Variants in CNTN6 observed in about 807,000 individuals in gnomAD.
The protein encoded by CNTN6 is contactin-6.
In CNTN6, 137 loss-of-function variants were observed where a neutral mutation model predicts 122.8. The observed-to-expected ratio is 1.12, with a 90% CI of 0.97 to 1.29. The LOEUF is 1.29. Among genes scored for constraint, CNTN6 ranks in the 50% most tolerant of loss-of-function variants. The pLI is 0.00. For missense variants in CNTN6, 1,634 were observed against 1,223.4 expected, an observed-to-expected ratio of 1.34 and a Z score of -5.01; for synonymous variants, 570 against 426.0, an observed-to-expected ratio of 1.34 and a Z score of -4.16.
At chr3:1,134,982 A>C (rs1285513277) in intron 1 of CNTN6, among the ~76,000 whole-genome samples, 1 of 151,988 alleles carries the variant, frequency 6.6e-6, no homozygotes, top group African/African-American at 2.4e-5. Context: ...TCTCCTTTGG[A>C]TACAATTTGC....
At chr3:1,341,238 G>A (rs1376301614) in intron 11 of CNTN6, among the ~76,000 whole-genome samples, 2 of 150,534 alleles carry the variant, frequency 1.3e-5, no homozygotes, top group African/African-American at 4.9e-5. Flanking sequence ...ACATTTTTGT[G>A]TCCTTTGCCA....
chr3:1,096,016 T>C (rs533047902), intron 1 of CNTN6, among the ~76,000 whole-genome samples: 1 of 152,354 alleles, frequency 6.6e-6, no homozygotes, highest in South Asian at 2.1e-4. Context: ...ATAGGTGCTA[T>C]ATTTTCTATG....
At chr3:1,389,880 C>A (rs1373648562) in intron 20 of CNTN6, among the ~76,000 whole-genome samples, 2 of 151,692 alleles carry the variant, frequency 1.3e-5, no homozygotes, top group Admixed American at 6.6e-5. Flanking sequence ...TATCTATGCA[C>A]CCAATACAGG....
intron 7 of CNTN6, among the ~76,000 whole-genome samples, chr3:1,310,168 G>T (rs539977148): frequency 3.1e-4 from 47 of 152,192 alleles, no homozygotes; most frequent in African/African-American, 1.0e-3. Context: ...GACAGTGAGT[G>T]ATAAGAGTAA....
Position 1,385,656 on chromosome 3 carries a change from A to G in CNTN6, c.2563A>G (p.Ile855Val). 6.2e-7 allele frequency: 1 copy of G among 1,614,080 alleles called. No homozygotes were observed. Among genetic ancestry groups the G allele is most frequent in the Non-Finnish European group, 8.5e-7 (1 of 1,179,922 alleles). Residue 855 changes from isoleucine to valine, a missense_variant, in exon 20 of 23, where the codon ATT becomes GTT. Ile to Val is a conservative substitution (Grantham distance 29, BLOSUM62 3). Transcript: ENST00000446702. ...DDSKESMIGK[I>V]RVSGNVTTKN... ...CTCCAAAGAATCCATGATAGGTAAA[A>G]TTAGAGTCAGTGGAAATGTCACAAC...
chr3:1,245,832 A>C (rs1207306846), intron 4 of CNTN6, among the ~76,000 whole-genome samples: 1 of 152,158 alleles, frequency 6.6e-6, no homozygotes, highest in Non-Finnish European at 1.5e-5. Context: ...GGAGTGTCCA[A>C]TCTTTTGGCT....
intron 1 of CNTN6, among the ~76,000 whole-genome samples, chr3:1,102,696 C>T (rs565399427): frequency 1.3e-5 from 2 of 149,872 alleles, no homozygotes; most frequent in South Asian, 4.3e-4. Flanking sequence ...CCACCGCCCT[C>T]CAGCCTGGGC....
intron 17 of CNTN6, among the ~76,000 whole-genome samples, chr3:1,380,989 T>G (rs557657874): frequency 7.0e-4 from 107 of 151,876 alleles, no homozygotes; most frequent in African/African-American, 2.5e-3. Context: ...TTTTTAATCA[T>G]TTGACTCTCT....
chr3:1,169,349 C>T (rs751845876), intron 2 of CNTN6, among the ~76,000 whole-genome samples: 1 of 152,178 alleles, frequency 6.6e-6, no homozygotes, highest in Non-Finnish European at 1.5e-5. Context: ...ATTCAGCCTC[C>T]TTGTTGTATT....
intron 1 of CNTN6, among the ~76,000 whole-genome samples, chr3:1,127,283 C>G (rs2092197187): frequency 6.6e-6 from 1 of 151,626 alleles, no homozygotes; most frequent in Non-Finnish European, 1.5e-5. Context: ...TATTTGGAAA[C>G]TCAACTTTAT....
Position 1,402,474 on chromosome 3 carries a change from C to A in CNTN6, c.2974C>A (p.Pro992Thr). 1.2e-6 allele frequency: 2 copies of A among 1,607,116 alleles called. No individual in the cohort carries two copies. Among genetic ancestry groups the A allele is most frequent in the Non-Finnish European group, 1.7e-6 (2 of 1,175,316 alleles). ...DGSSSEEIRI[P>T]KMSSLSSRGI... is the part of the protein sequence containing the mutation. ...AAGCAGCAGTGAGGAAATTAGGATT[C>A]CAAAAATGTCAAGTAAGTTGAGTCA... is the stretch of plus-strand genomic sequence containing the variant. Residue 992 changes from proline (P) to threonine (T), a missense_variant, in exon 22 of 23, where the codon CCA becomes ACA. Transcript: ENST00000446702.
intron 12 of CNTN6, among the ~76,000 whole-genome samples, chr3:1,354,275 C>T (rs958889401): frequency 6.6e-5 from 10 of 150,620 alleles, no homozygotes; most frequent in African/African-American, 2.4e-4. Flanking sequence ...AGTTTATCTA[C>T]ACTTTCAAGT....
intron 12 of CNTN6, among the ~76,000 whole-genome samples, chr3:1,365,699 G>T (rs993355885): frequency 2.6e-5 from 4 of 151,758 alleles, no homozygotes; most frequent in African/African-American, 9.7e-5. Context: ...GACAAAAACC[G>T]CAATTACTTT....
intron 1 of CNTN6, among the ~76,000 whole-genome samples, chr3:1,134,752 TAAGA>T (rs1258545248): frequency 1.3e-5 from 2 of 152,134 alleles, no homozygotes; most frequent in African/African-American, 4.8e-5. Context: ...ACAATTTATT[TAAGA>T]AAGCATCTTT....
chr3:1,388,673 TAGA>T (rs1269332246), intron 20 of CNTN6, among the ~76,000 whole-genome samples: 2 of 145,456 alleles, frequency 1.4e-5, no homozygotes, highest in African/African-American at 5.1e-5. Flanking sequence ...GAAAAAAATT[TAGA>T]AGAATGTATA....
In CNTN6 at chr3:1,382,938, C is replaced by T; in HGVS notation, c.2167-4C>T. 3.1e-6 allele frequency: 5 copies of T among 1,606,956 alleles called. No homozygotes were observed. The African/African-American group carries it at 4.0e-5, about 13-fold the overall frequency. On this transcript the variant is annotated splice_polypyrimidine_tract_variant and splice_region_variant and intron_variant, in intron 17 of 22. Transcript: ENST00000446702. ...ACTCAGTGATTGATCACATTCTGCCCAAGTCAATTCCAGAAGAACTGCAGA... is the reference window on the plus strand; with the variant it reads ...ACTCAGTGATTGATCACATTCTGCCTAAGTCAATTCCAGAAGAACTGCAGA...
At chr3:1,334,047 T>C (rs1702697588) in intron 11 of CNTN6, among the ~76,000 whole-genome samples, 2 of 152,136 alleles carry the variant, frequency 1.3e-5, no homozygotes, top group Non-Finnish European at 2.9e-5. Context: ...TTGGCTGTTT[T>C]AAGAGTTCTG....
At chr3:1,356,463 T>C (rs191376299) in intron 12 of CNTN6, among the ~76,000 whole-genome samples, 1 of 151,948 alleles carries the variant, frequency 6.6e-6, no homozygotes, top group African/African-American at 2.4e-5. Flanking sequence ...AGCAGAATGA[T>C]ACGGGTCTAA....
intron 4 of CNTN6, among the ~76,000 whole-genome samples, chr3:1,258,669 C>G (rs2094797624): frequency 6.6e-6 from 1 of 152,066 alleles, no homozygotes; most frequent in Non-Finnish European, 1.5e-5. Context: ...TCAACTTTTT[C>G]TCCTCGTGTC....
Sources: allele counts gnomAD v4.1 joint callset (sites outside exome capture counted in the v4.1 genomes callset), GRCh38; gene constraint gnomAD v4.1.1; transcripts MANE v1.5; gene names NCBI Gene and HGNC (gene_info 2026-07-23, HGNC 2026-07-21).